The following PTPRG variants were observed in gnomAD, a reference collection of about 807,000 sequenced individuals.
PTPRG encodes the protein protein tyrosine phosphatase receptor type G.
A neutral mutation model predicts 165.3 loss-of-function variants in PTPRG; 102 were observed. That is an observed-to-expected ratio of 0.62 (90% CI 0.53 to 0.73). The LOEUF is 0.73. PTPRG is among the 30% of genes least tolerant of loss of function. The pLI, the probability that PTPRG is intolerant of heterozygous loss-of-function variation, is 0.00. For missense variants in PTPRG, 1,866 were observed against 1,861.4 expected (o/e 1.00, Z -0.05); for synonymous variants, 675 against 669.5 (o/e 1.01, Z -0.13).
intron 2 of PTPRG, among the ~76,000 whole-genome samples, chr3:61,818,774 A>G (rs757332337): frequency 1.3e-5 from 2 of 152,140 alleles, no homozygotes; most frequent in African/African-American, 2.4e-5. Context: ...GTAAAGAGAA[A>G]AAAAATATTA....
intron 5 of PTPRG, among the ~76,000 whole-genome samples, chr3:62,115,822 C>T (rs776350372): frequency 5.9e-5 from 9 of 151,926 alleles, no homozygotes; most frequent in Non-Finnish European, 1.2e-4. Context: ...CAGGTGTGAG[C>T]CACCACTCCT....
intron 2 of PTPRG, among the ~76,000 whole-genome samples, chr3:61,954,492 C>CCTGTATAGTTTGTTCTGA (rs1442865608): frequency 6.6e-6 from 1 of 152,004 alleles, no homozygotes; most frequent in Non-Finnish European, 1.5e-5. Flanking sequence ...CTGTATAGGG[C>CCTGTATAGTTTGTTCTGA]TGGTTTGTAG....
At chr3:62,181,767 A>G (rs144269279) in intron 8 of PTPRG, among the ~76,000 whole-genome samples, 7 of 152,276 alleles carry the variant, frequency 4.6e-5, no homozygotes, top group Non-Finnish European at 1.0e-4. Flanking sequence ...AAATTGTACT[A>G]ACTTACCTGC....
chr3:61,673,304 A>G (rs758495153), intron 1 of PTPRG, among the ~76,000 whole-genome samples: 67 of 152,360 alleles, frequency 4.4e-4, no homozygotes, highest in Non-Finnish European at 8.8e-4. Context: ...TGGATGAGCC[A>G]CTTGGCAAAG....
At position 62,286,673 on chromosome 3, in the gene PTPRG, A is replaced by G. The variant is rs546897503; in HGVS notation, c.4055+3804A>G. 7.9e-5 allele frequency among the ~76,000 whole-genome samples: 12 copies of G among 152,196 alleles called. No homozygotes were observed. The South Asian group carries it at 2.5e-3, about 32-fold the overall frequency. ...ATGAAAAAAATAGGGTTTTTTTCTT[A>G]ACATCACTAGTTAAATAAGCATTAC... On this transcript the variant is annotated intron_variant, in intron 28 of 29. Transcript: ENST00000474889.
In PTPRG at chr3:62,203,691, G is replaced by T. The variant is rs1197684972; in HGVS notation, c.1896G>T (p.Arg632Ser). 10 of 1,572,862 alleles carry T rather than the reference G, an allele frequency of 6.4e-6. No individual in the cohort carries two copies. Among genetic ancestry groups the T allele is most frequent in the Non-Finnish European group, 8.6e-6 (10 of 1,158,558 alleles). ...GCCCCACACCCTCGTCTCCTAACAG[G>T]ACTGCCGAGGGAGGGCATCAGACTA... is the stretch of plus-strand genomic sequence containing the variant. ...EPSPTPSSPN[R>S]TAEGGHQTIP... The change falls in exon 12 of 30, where the codon AGG (arginine) becomes AGT (serine). Residue 632 changes from arginine (R) to serine (S), a missense_variant. Around this residue, in one of 3 missense-constraint regions of PTPRG, gnomAD observed 1,452 missense variants for 1,463.0 expected, o/e 0.99. Coordinates refer to ENST00000474889, the MANE Select transcript of PTPRG (RefSeq NM_002841.4). This position sits in a 1 kb window ranked among gnomAD's most constrained non-coding sequence, Gnocchi z 6.4.
chr3:61,703,685 C>T (rs951069932), intron 1 of PTPRG, among the ~76,000 whole-genome samples: 1 of 152,078 alleles, frequency 6.6e-6, no homozygotes, highest in Non-Finnish European at 1.5e-5. Context: ...TGATGGATGA[C>T]CCTCTCCTTT....
chr3:61,937,847 T>C (rs1235533276), intron 2 of PTPRG, among the ~76,000 whole-genome samples: 2 of 152,148 alleles, frequency 1.3e-5, no homozygotes, highest in Non-Finnish European at 1.5e-5. Context: ...TTAAGCACAA[T>C]TTTTCACCCT....
rs1056565943 is a variant in PTPRG at position 62,162,931 on chromosome 3, T to C, written c.841-5040T>C. Among the ~76,000 whole-genome samples, 11 of 152,140 alleles carry C rather than the reference T, an allele frequency of 7.2e-5. 1 individual carries two copies. The highest frequency in any genetic ancestry group is 4.1e-4 in the South Asian group (2 of 4,826). Reference sequence around the variant, plus strand: ...CTATAAAGAACTACCTGAGACTGGGTAATTTATTAGAAAAGAGGTTTAATT... The same window carrying C: ...CTATAAAGAACTACCTGAGACTGGGCAATTTATTAGAAAAGAGGTTTAATT... On this transcript the variant is annotated intron_variant, in intron 7 of 29. Transcript: ENST00000474889.
intron 16 of PTPRG, among the ~76,000 whole-genome samples, chr3:62,260,454 C>T (rs1365458912): frequency 6.6e-6 from 1 of 152,112 alleles, no homozygotes; most frequent in Non-Finnish European, 1.5e-5. Context: ...ATTCTCGTTA[C>T]ATCAATTTTT....
chr3:62,253,971 C>CA (rs1307319177), intron 15 of PTPRG, among the ~76,000 whole-genome samples: 1 of 152,192 alleles, frequency 6.6e-6, no homozygotes, highest in Non-Finnish European at 1.5e-5. Context: ...TCCACTTAAG[C>CA]ATGATTCAAG....
At chr3:62,065,488 G>A (rs905397275) in intron 4 of PTPRG, among the ~76,000 whole-genome samples, 1 of 152,188 alleles carries the variant, frequency 6.6e-6, no homozygotes, top group Non-Finnish European at 1.5e-5. Context: ...GGGGCTTGCA[G>A]CCCTGCTGGA....
chr3:61,994,180 A>G (rs1418240069), intron 3 of PTPRG, among the ~76,000 whole-genome samples: 1 of 152,250 alleles, frequency 6.6e-6, no homozygotes, highest in Non-Finnish European at 1.5e-5. Context: ...AGAACATTTC[A>G]AGACAATCTT....
intron 2 of PTPRG, among the ~76,000 whole-genome samples, chr3:61,941,691 A>T (rs1471617757): frequency 6.6e-6 from 1 of 152,224 alleles, no homozygotes; most frequent in South Asian, 2.1e-4. Flanking sequence ...TGAACTAACC[A>T]TTGAAATTTG....
intron 2 of PTPRG, among the ~76,000 whole-genome samples, chr3:61,902,500 C>G (rs746310949): frequency 6.6e-6 from 1 of 152,080 alleles, no homozygotes; most frequent in Non-Finnish European, 1.5e-5. Context: ...TTTATGTACC[C>G]CTAAGGAAGA....
In PTPRG at chr3:61,691,858, T is replaced by C. The variant is rs7624118; in HGVS notation, c.86-57020T>C. On this transcript the variant is annotated intron_variant, in intron 1 of 29. Transcript: ENST00000474889. The stretch of plus-strand genomic sequence containing the variant: ...AGGTCTGAGAGGCACAGTATAATCA[T>C]GTTAAATAAAGAGGACTTACATTTA... Among the ~76,000 whole-genome samples, 349 of 115,518 alleles carry C rather than the reference T, an allele frequency of 3.0e-3. 1 individual carries two copies. The highest frequency in any genetic ancestry group is 0.011 in the African/African-American group (340 of 29,984). The allele number at this position is 115,518 out of a possible 152,430, so 75.8% of individuals were successfully genotyped here.
chr3:62,145,042 A>G (rs1704068075), intron 6 of PTPRG, among the ~76,000 whole-genome samples: 1 of 152,054 alleles, frequency 6.6e-6, no homozygotes, highest in Admixed American at 6.5e-5. Context: ...CCATTTGCCT[A>G]CTGCAAAAGT....
At chr3:62,198,740 C>T (rs779656056) in intron 10 of PTPRG, among the ~76,000 whole-genome samples, 22 of 152,162 alleles carry the variant, frequency 1.4e-4, no homozygotes, top group African/African-American at 3.1e-4. Flanking sequence ...TGAATAGTGA[C>T]GAACATCAAT....
At chr3:61,817,200 AATAAT>A (rs1411353890) in intron 2 of PTPRG, among the ~76,000 whole-genome samples, 3 of 138,572 alleles carry the variant, frequency 2.2e-5, no homozygotes, top group Non-Finnish European at 3.1e-5. Context: ...TAATATATAT[AATAAT>A]ATAATAATAT....
Sources: allele counts gnomAD v4.1 joint callset (sites outside exome capture counted in the v4.1 genomes callset), GRCh38; gene constraint gnomAD v4.1.1; regional missense constraint gnomAD v4.1.1; non-coding constraint Gnocchi (gnomAD v3.1); transcripts MANE v1.5; gene names NCBI Gene and HGNC (gene_info 2026-07-23, HGNC 2026-07-21).